GAPVD1: variants seen among roughly 807,000 people sequenced by gnomAD.
The protein encoded by GAPVD1 is GTPase-activating protein and VPS9 domain-containing protein 1.
In GAPVD1, 35 loss-of-function variants were observed where a neutral mutation model predicts 155.5. The ratio of observed to expected loss-of-function variants is 0.23; its 90% CI spans 0.17 to 0.30. GAPVD1 has a LOEUF of 0.30. GAPVD1 is among the 10% of genes least tolerant of loss of function. The pLI, the probability that GAPVD1 is intolerant of heterozygous loss-of-function variation, is 1.00. For synonymous variants in GAPVD1, 636 were observed against 619.7 expected, an observed-to-expected ratio of 1.03 and a Z score of -0.39; for missense variants, 1,429 against 1,775.7, an observed-to-expected ratio of 0.80 and a Z score of 3.51.
intron 17 of GAPVD1, among the ~76,000 whole-genome samples, chr9:125,340,688 A>G (rs973294224): frequency 2.0e-5 from 3 of 152,016 alleles, no homozygotes; most frequent in Admixed American, 6.6e-5. Context: ...TTGAGTGCCT[A>G]GTCTATACCA....
Position 125,359,506 on chromosome 9 carries a change from A to C in GAPVD1, c.4044+14A>C. ...CAGATACCAGAGGTAATACAGGTTTATATAGCATGGGTAATGTTAACTAAA... is the reference window on the plus strand; with the variant it reads ...CAGATACCAGAGGTAATACAGGTTTCTATAGCATGGGTAATGTTAACTAAA... On this transcript the variant is annotated intron_variant, in intron 26 of 27. Transcript: ENST00000297933. The C allele has an allele frequency of 7.8e-7, 1 of 1,287,184 alleles. No individual in the cohort carries two copies. The highest frequency in any genetic ancestry group is 1.1e-6 in the Non-Finnish European group (1 of 881,848). 79.7% of individuals were successfully genotyped at this position (1,287,184 alleles called of 1,614,324 possible).
Position 125,354,781 on chromosome 9 carries a change from A to G in GAPVD1, c.3697A>G (p.Thr1233Ala). 1.9e-6 allele frequency: 3 copies of G among 1,613,948 alleles called. No homozygotes were observed. The highest frequency in any genetic ancestry group is 1.7e-6 in the Non-Finnish European group (2 of 1,179,830). Reference sequence around the variant, plus strand: ...AGAAGTGGCCAATCGATACTTTACCACTGTCTGTGTGAGATTACTGCTTGA... The same window carrying G: ...AGAAGTGGCCAATCGATACTTTACCGCTGTCTGTGTGAGATTACTGCTTGA... ...DKEVANRYFTTVCVRLLLESK... is the reference protein window; with the variant it reads ...DKEVANRYFTAVCVRLLLESK... Residue 1233 changes from threonine to alanine, a missense_variant, in exon 24 of 28, where the codon ACT (threonine) becomes GCT (alanine). Transcript: ENST00000297933.
intron 8 of GAPVD1, among the ~76,000 whole-genome samples, chr9:125,311,538 T>G (rs545910790): frequency 1.3e-5 from 2 of 152,224 alleles, no homozygotes; most frequent in East Asian, 3.9e-4. Flanking sequence ...GGAGAATTGC[T>G]TGAACCCAGG....
chr9:125,306,887 T>C (rs1202027605), intron 6 of GAPVD1, among the ~76,000 whole-genome samples: 3 of 152,184 alleles, frequency 2.0e-5, no homozygotes, highest in Non-Finnish European at 4.4e-5. Flanking sequence ...GAGCGCACTT[T>C]GGGAAGCTGA....
At chr9:125,263,700 GGT>G in intron 1 of GAPVD1, 1 of 206,006 alleles carries the variant, frequency 4.9e-6, no homozygotes, top group Non-Finnish European at 7.9e-6. Context: ...TCCATCTGTA[GGT>G]ATGTCTGTCA....
rs550273935 is a variant in GAPVD1 at position 125,291,740 on chromosome 9, A to G, written c.-149-3718A>G. Among the ~76,000 whole-genome samples the G allele has an allele frequency of 1.6e-4, 25 of 152,226 alleles. 1 individual carries two copies. The South Asian group carries it at 4.8e-3, about 29-fold the overall frequency. ...TAGTGTGAAGGATATGGGAGAGAAAACAGCCTTACCTAAGAGGTCTATAGA... is the reference window on the plus strand; with the variant it reads ...TAGTGTGAAGGATATGGGAGAGAAAGCAGCCTTACCTAAGAGGTCTATAGA... On this transcript the variant is annotated intron_variant, in intron 2 of 27. Coordinates refer to ENST00000297933, the MANE Select transcript of GAPVD1 (RefSeq NM_001282680.3).
Position 125,354,635 on chromosome 9 carries a change from A to G in GAPVD1, c.3570-19A>G. ...GCACTGAATATATCTGATGTCATGC[A>G]AAGTATTTTTCCTTTTAGAAAAAGA... is the stretch of plus-strand genomic sequence containing the variant. On this transcript the variant is annotated intron_variant, in intron 23 of 27. Coordinates refer to ENST00000297933, the MANE Select transcript of GAPVD1 (RefSeq NM_001282680.3). 1 of 1,564,074 alleles carries G rather than the reference A, an allele frequency of 6.4e-7. No homozygotes were observed. The highest frequency in any genetic ancestry group is 2.2e-5 in the East Asian group (1 of 44,604).
At chr9:125,309,898 T>A in intron 8 of GAPVD1, 1 of 449,644 alleles carries the variant, frequency 2.2e-6, no homozygotes, top group Non-Finnish European at 4.6e-6. Context: ...GAGGGTTGAT[T>A]TTCTTTCTAT....
At position 125,307,458 on chromosome 9, in the gene GAPVD1, G is replaced by A. The variant is rs778163868; in HGVS notation, c.1162G>A (p.Val388Met). 5 of 1,610,394 alleles carry A rather than the reference G, an allele frequency of 3.1e-6. No homozygotes were observed. The highest frequency in any genetic ancestry group is 1.6e-4 in the Middle Eastern group (1 of 6,080). Residue 388 changes from valine (V) to methionine (M), a missense_variant, in exon 7 of 28, where the codon GTG becomes ATG. Transcript: ENST00000297933. Reference sequence around the variant, plus strand: ...TGATGTTGTGATTGGGGGCCGTGCAGTGGAGACCCCTCCATTGTCTTCCGT... The same window carrying A: ...TGATGTTGTGATTGGGGGCCGTGCAATGGAGACCCCTCCATTGTCTTCCGT... ...FLDVVIGGRA[V>M]ETPPLSSVNL... is the part of the protein sequence containing the mutation.
intron 5 of GAPVD1, among the ~76,000 whole-genome samples, chr9:125,304,453 A>G (rs1459933152): frequency 6.6e-6 from 1 of 152,210 alleles, no homozygotes; most frequent in African/African-American, 2.4e-5. Flanking sequence ...ATCAAATTAC[A>G]TATTTTCAGA....
At chr9:125,279,534 G>A (rs1836380628) in intron 2 of GAPVD1, among the ~76,000 whole-genome samples, 1 of 142,532 alleles carries the variant, frequency 7.0e-6, no homozygotes, top group African/African-American at 2.6e-5. Flanking sequence ...TCGTGCCATT[G>A]TACTCCAGCC....
At chr9:125,329,223 G>T (rs1003579128) in intron 12 of GAPVD1, among the ~76,000 whole-genome samples, 3 of 152,294 alleles carry the variant, frequency 2.0e-5, no homozygotes, top group Non-Finnish European at 4.4e-5. Flanking sequence ...CTGTATTTGC[G>T]CAATAAGCTG....
chr9:125,293,875 T>TTATATATATATATA (rs1564311820), intron 2 of GAPVD1, among the ~76,000 whole-genome samples: 1 of 16,644 alleles, frequency 6.0e-5, no homozygotes, highest in African/African-American at 3.6e-4. Context: ...TATATATATA[T>TTATATATATATATA]ATATATATAT....
intron 9 of GAPVD1, among the ~76,000 whole-genome samples, chr9:125,313,307 C>CTTT (rs551168378): frequency 7.3e-6 from 1 of 137,838 alleles, no homozygotes; most frequent in South Asian, 2.3e-4. Flanking sequence ...TTTTCTTTTT[C>CTTT]TTTTTTTTTT....
intron 2 of GAPVD1, among the ~76,000 whole-genome samples, chr9:125,288,878 G>A (rs1277764897): frequency 6.6e-6 from 1 of 152,190 alleles, no homozygotes; most frequent in Non-Finnish European, 1.5e-5. Flanking sequence ...AAAAAACAAT[G>A]CAGGGAAAGT....
intron 2 of GAPVD1, 117 bp downstream of exon 2, chr9:125,269,101 T>G (rs968319047): frequency 1.3e-5 from 2 of 152,076 alleles, no homozygotes; most frequent in Non-Finnish European, 2.9e-5. Context: ...ATTCTCACTC[T>G]GTCATCAGAG....
chr9:125,291,996 C>G (rs952247434), intron 2 of GAPVD1, among the ~76,000 whole-genome samples: 3 of 152,010 alleles, frequency 2.0e-5, no homozygotes, highest in African/African-American at 7.2e-5. Flanking sequence ...TATCCCAGCA[C>G]TTTAGGAGGC....
At chr9:125,275,290 G>T (rs1835586407) in intron 2 of GAPVD1, among the ~76,000 whole-genome samples, 1 of 152,020 alleles carries the variant, frequency 6.6e-6, no homozygotes, top group Non-Finnish European at 1.5e-5. Flanking sequence ...TGGCCAGGCT[G>T]GTCTTGAACT....
At chr9:125,268,181 A>C in intron 1 of GAPVD1, among the ~76,000 whole-genome samples, 1 of 141,498 alleles carries the variant, frequency 7.1e-6, no homozygotes, top group Non-Finnish European at 1.5e-5. Flanking sequence ...AAACAACAAC[A>C]AACAAACAAA....
Sources: gnomAD v4.1 joint callset for allele counts (sites outside exome capture counted in the v4.1 genomes callset) on GRCh38, gnomAD v4.1.1 for gene constraint, MANE v1.5 for transcripts, NCBI Gene and HGNC (gene_info 2026-07-23, HGNC 2026-07-21) for gene names.